The following MLXIP variants were observed in gnomAD, a reference collection of about 807,000 sequenced individuals.
MLXIP encodes the protein MLX-interacting protein.
MLXIP carries 30 observed loss-of-function variants against 87.2 expected under a neutral mutation model. The ratio of observed to expected loss-of-function variants is 0.34; its 90% CI spans 0.26 to 0.47. The LOEUF (loss-of-function observed/expected upper bound fraction) is 0.47. Ranked by LOEUF, MLXIP falls within the 20% of genes least tolerant of loss-of-function variation. The pLI is 1.00. For missense variants in MLXIP, 1,002 were observed against 1,240.1 expected (o/e 0.81, Z 2.88); for synonymous variants, 530 against 514.0 (o/e 1.03, Z -0.42).
intron 6 of MLXIP, 142 bp from the exon 7 acceptor site, chr12:122,130,702 T>C (rs1452392072): frequency 7.7e-6 from 5 of 647,132 alleles, no homozygotes; most frequent in Non-Finnish European, 1.1e-5. Flanking sequence ...CCACAAACCC[T>C]GAGAAGGTAG....
At chr12:122,104,603 G>A (rs1357014831) in intron 1 of MLXIP, among the ~76,000 whole-genome samples, 70 of 136,192 alleles carry the variant, frequency 5.1e-4, no homozygotes, top group Non-Finnish European at 8.6e-4. Flanking sequence ...TTTTTGAGAC[G>A]GAGTCTCACT....
At chr12:122,123,993 A>G (rs1326326930) in intron 1 of MLXIP, among the ~76,000 whole-genome samples, 2 of 152,164 alleles carry the variant, frequency 1.3e-5, no homozygotes, top group African/African-American at 4.8e-5. Flanking sequence ...GCCTTTGCTT[A>G]AACGCCACTT....
chr12:122,105,911 T>G (rs1243021610), intron 1 of MLXIP, among the ~76,000 whole-genome samples: 1 of 152,228 alleles, frequency 6.6e-6, no homozygotes, highest in Non-Finnish European at 1.5e-5. Context: ...ATTCCTATTC[T>G]GTCATCGTTT....
intron 1 of MLXIP, among the ~76,000 whole-genome samples, chr12:122,092,743 C>A (rs1389748055): frequency 6.6e-6 from 1 of 152,106 alleles, no homozygotes; most frequent in Non-Finnish European, 1.5e-5. Flanking sequence ...GGGAAAGGGA[C>A]AATACTTTGA....
chr12:122,147,215 C>T lies in MLXIP; in HGVS notation c.*5403C>T, dbSNP rs1051351197. On this transcript the variant is annotated 3_prime_UTR_variant, in exon 17 of 17. Transcript: ENST00000319080. The stretch of plus-strand genomic sequence containing the variant: ...AGAGGCCCCCTCCGGTCCACGTCAC[C>T]CTGAGTACACCCCTCTGATTGCTCT... 5.3e-5 allele frequency: 8 copies of T among 152,116 alleles called. No individual in the cohort carries two copies. Among genetic ancestry groups the T allele is most frequent in the African/African-American group, 1.7e-4 (7 of 41,426 alleles). 9.4% of individuals were successfully genotyped at this position (152,116 alleles called of 1,614,324 possible).
At chr12:122,091,688 G>A (rs1248637261) in intron 1 of MLXIP, among the ~76,000 whole-genome samples, 38 of 152,190 alleles carry the variant, frequency 2.5e-4, no homozygotes, top group Admixed American at 2.5e-3. Flanking sequence ...ATAAAGTCAT[G>A]GTTATGGAGA....
chr12:122,101,189 A>G (rs1404938137), intron 1 of MLXIP, among the ~76,000 whole-genome samples: 1 of 152,158 alleles, frequency 6.6e-6, no homozygotes, highest in Non-Finnish European at 1.5e-5. Context: ...CATTCTGTGG[A>G]GGTTCTTTTC....
intron 1 of MLXIP, among the ~76,000 whole-genome samples, chr12:122,109,450 C>T (rs975392911): frequency 1.3e-5 from 2 of 152,246 alleles, no homozygotes; most frequent in Non-Finnish European, 2.9e-5. Flanking sequence ...GCGATCCACA[C>T]TGGGATTACA....
intron 1 of MLXIP, among the ~76,000 whole-genome samples, chr12:122,087,021 T>C (rs144430253): frequency 0.021 from 3,141 of 152,288 alleles, 55 homozygotes; most frequent in Non-Finnish European, 0.032. Context: ...CCAGGGCCTG[T>C]GTCTCACATA....
At chr12:122,096,957 A>G (rs1429977906) in intron 1 of MLXIP, among the ~76,000 whole-genome samples, 1 of 152,210 alleles carries the variant, frequency 6.6e-6, no homozygotes, top group Non-Finnish European at 1.5e-5. Context: ...GACTTGGTAC[A>G]TGGAAGGAAG....
At chr12:122,141,448 G>A (rs1159682755) in intron 16 of MLXIP, among the ~76,000 whole-genome samples, 1 of 152,162 alleles carries the variant, frequency 6.6e-6, no homozygotes, top group Non-Finnish European at 1.5e-5. Flanking sequence ...CAGCCCCATG[G>A]CACCAGGAAC....
In MLXIP at chr12:122,146,628, G is replaced by C. The variant is rs1167796519; in HGVS notation, c.*4816G>C. ...GTTGACTTTGTGTGTATGCGTGTGTGTGTGTGTGTGTGCACGCGCGCGTGT... is the reference window on the plus strand; with the variant it reads ...GTTGACTTTGTGTGTATGCGTGTGTCTGTGTGTGTGTGCACGCGCGCGTGT... On this transcript the variant is annotated 3_prime_UTR_variant, in exon 17 of 17. Transcript: ENST00000319080. The C allele has an allele frequency of 6.9e-6, 1 of 143,984 alleles. No individual in the cohort carries two copies. The highest frequency in any genetic ancestry group is 1.6e-5 in the Non-Finnish European group (1 of 63,756). The allele number at this position is 143,984 out of a possible 1,614,324, so 8.9% of individuals were successfully genotyped here.
chr12:122,131,257 G>A (rs922630772), intron 7 of MLXIP, among the ~76,000 whole-genome samples: 8 of 151,984 alleles, frequency 5.3e-5, no homozygotes, highest in African/African-American at 1.9e-4. Flanking sequence ...ACCTGCCATT[G>A]TGACAGCAGC....
At chr12:122,099,748 G>A (rs1307653004) in intron 1 of MLXIP, among the ~76,000 whole-genome samples, 1 of 152,182 alleles carries the variant, frequency 6.6e-6, no homozygotes, top group Admixed American at 6.5e-5. Context: ...TTTCCTATTT[G>A]TGTGGCTATA....
At chr12:122,129,818 C>T in intron 5 of MLXIP, 123 bp from the exon 6 acceptor site, 2 of 1,351,912 alleles carry the variant, frequency 1.5e-6, no homozygotes, top group East Asian at 2.5e-5. Flanking sequence ...CAAATGCCTC[C>T]ACCCTGCTGC....
chr12:122,110,347 G>A (rs560506845), intron 1 of MLXIP, among the ~76,000 whole-genome samples: 7 of 152,068 alleles, frequency 4.6e-5, no homozygotes, highest in South Asian at 2.1e-4. Flanking sequence ...GAGTGCAATG[G>A]CGCGGTCTTG....
intron 7 of MLXIP, 71 bp downstream of exon 7, chr12:122,131,004 C>T: frequency 1.9e-6 from 2 of 1,049,408 alleles, no homozygotes; most frequent in South Asian, 2.6e-5. Context: ...AGATCGCTGC[C>T]TTCCTTTAAG....
In MLXIP at chr12:122,142,384, G is replaced by T; in HGVS notation, c.*572G>T. 7.7e-6 allele frequency: 4 copies of T among 521,740 alleles called. No individual in the cohort carries two copies. Among genetic ancestry groups the T allele is most frequent in the Non-Finnish European group, 1.1e-5 (3 of 270,890 alleles). 32.3% of individuals were successfully genotyped at this position (521,740 alleles called of 1,614,324 possible). ...CAGGCTTATGCATGGCAGGCTGCCA[G>T]GGGGAAGTGCCTTCTTCAGAGGTCC... On this transcript the variant is annotated 3_prime_UTR_variant, in exon 17 of 17. Transcript: ENST00000319080.
At chr12:122,082,831 CTTT>C in intron 1 of MLXIP, among the ~76,000 whole-genome samples, 1 of 152,220 alleles carries the variant, frequency 6.6e-6, no homozygotes, top group East Asian at 1.9e-4. Flanking sequence ...ACAGAATTTC[CTTT>C]TTTTGAGATA....
Sources: allele counts gnomAD v4.1 joint callset (sites outside exome capture counted in the v4.1 genomes callset), GRCh38; gene constraint gnomAD v4.1.1; transcripts MANE v1.5; gene names NCBI Gene and HGNC (gene_info 2026-07-23, HGNC 2026-07-21).